CYP4A11: variants seen among roughly 807,000 people sequenced by gnomAD.
The protein encoded by CYP4A11 is cytochrome P450 4A11.
In CYP4A11, 52 loss-of-function variants were observed where a neutral mutation model predicts 57.7. The ratio of observed to expected loss-of-function variants is 0.90; its 90% confidence interval spans 0.72 to 1.14. The LOEUF (loss-of-function observed/expected upper bound fraction) is 1.14, where lower values mean the gene tolerates loss of function less well. CYP4A11 is among the 50% of genes most tolerant of loss of function. The probability of loss-of-function intolerance (pLI) is 0.00; values close to 1 mark genes in which losing one functional copy is unlikely to be tolerated. For synonymous variants in CYP4A11, 228 were observed against 247.1 expected, an observed-to-expected ratio of 0.92 and a Z score of 0.72; for missense variants, 641 against 642.1, an observed-to-expected ratio of 1.00 and a Z score of 0.02.
In CYP4A11 at chr1:46,934,263, A is replaced by T. The variant is rs749000785; in HGVS notation, c.1001T>A (p.Leu334His). 34 of 1,613,122 alleles carry T rather than the reference A, an allele frequency of 2.1e-5. No homozygotes were observed. Among genetic ancestry groups the T allele is most frequent in the Admixed American group, 5.0e-5 (3 of 59,926 alleles). The change falls in exon 8 of 12, where the codon CTC becomes CAC. Residue 334 changes from leucine (L) to histidine (H), a missense_variant. Coordinates refer to ENST00000310638, the MANE Select transcript of CYP4A11 (RefSeq NM_000778.4). ...CTTGGGGTGTGTGGCCAGAGCATAG[A>T]GGATCCAGGAGATCCCACTGGCTGT... ...DTTASGISWI[L>H]YALATHPKHQ...
At chr1:46,939,207 T>C (rs971948484) in intron 1 of CYP4A11, among the ~76,000 whole-genome samples, 10 of 152,194 alleles carry the variant, frequency 6.6e-5, no homozygotes, top group Admixed American at 1.3e-4. Flanking sequence ...TATCTGCCCA[T>C]CTCCTTCTGA....
Position 46,935,549 on chromosome 1 carries a change from G to T in CYP4A11, c.609C>A (p.Ser203Arg), listed in dbSNP as rs2148459534. The T allele has an allele frequency of 6.2e-7, 1 of 1,613,952 alleles. No individual in the cohort carries two copies. Among genetic ancestry groups the T allele is most frequent in the Non-Finnish European group, 8.5e-7 (1 of 1,179,840 alleles). The change falls in exon 5 of 12, where the codon AGC becomes AGA. Residue 203 changes from serine (S) to arginine (R), a missense_variant. By Grantham distance (110) the Ser-to-Arg change is moderately radical. Coordinates refer to ENST00000310638, the MANE Select transcript of CYP4A11 (RefSeq NM_000778.4). ...TLDTIMKCAF[S>R]HQGSIQVDRN... ...TGTCCACCTGGATGCTGCCCTGATG[G>T]CTGAAGGCACACTTCATGATGGTGT...
intron 1 of CYP4A11, chr1:46,940,679 T>A: frequency 1.0e-6 from 1 of 985,432 alleles, no homozygotes; most frequent in Non-Finnish European, 1.2e-6. Context: ...TGGGGAAACT[T>A]ACTTAGCCAG....
In CYP4A11 at chr1:46,941,290, G is replaced by A. The variant is rs1244787235; in HGVS notation, c.144C>T (p.Leu48=). The change falls in exon 1 of 12, where the codon CTC becomes CTT. Residue 48 remains leucine (L), a synonymous_variant. Coordinates refer to ENST00000310638, the MANE Select transcript of CYP4A11 (RefSeq NM_000778.4). ...YLHRQWLLKA[L]QQFPCPPSHW... ...GGGAGGGAGGGCACGGGAACTGCTG[G>A]AGGGCTTTGAGCAGCCACTGCCTGT... The A allele has an allele frequency of 4.3e-6, 7 of 1,614,026 alleles. No individual in the cohort carries two copies. In the Admixed American group the frequency reaches 1.0e-4, roughly 23 times the overall value.
chr1:46,933,803 T>G, intron 9 of CYP4A11, 143 bp downstream of exon 9: 1 of 1,357,426 alleles, frequency 7.4e-7, no homozygotes, highest in Non-Finnish European at 9.8e-7. Flanking sequence ...AAATTCTTTA[T>G]CCCAAGTACA....
In CYP4A11 at chr1:46,935,512, T is replaced by C. The variant is rs1681329307; in HGVS notation, c.635+11A>G. ...GAACAAGGGCCCTGCAGCTGGAGGG[T>C]TGTCACTGACCTGTCCACCTGGATG... On this transcript the variant is annotated intron_variant, in intron 5 of 11. Coordinates refer to ENST00000310638, the MANE Select transcript of CYP4A11 (RefSeq NM_000778.4). 6.2e-7 allele frequency: 1 copy of C among 1,608,892 alleles called. No homozygotes were observed. Among genetic ancestry groups the C allele is most frequent in the South Asian group, 1.1e-5 (1 of 89,812 alleles).
intron 11 of CYP4A11, among the ~76,000 whole-genome samples, chr1:46,930,935 T>C (rs1008123689): frequency 2.7e-4 from 41 of 152,170 alleles, no homozygotes; most frequent in Non-Finnish European, 3.5e-4. Context: ...AGCCTTCTAA[T>C]TCTACTCCAG....
chr1:46,934,972 G>T (rs541392544), intron 6 of CYP4A11, 28 bp downstream of exon 6: 2 of 1,607,788 alleles, frequency 1.2e-6, no homozygotes, highest in Non-Finnish European at 1.7e-6. Context: ...CCTGGGAAAG[G>T]CTGGGAGACA....
chr1:46,935,936 G>C (rs532982873), intron 4 of CYP4A11, among the ~76,000 whole-genome samples: 20 of 152,334 alleles, frequency 1.3e-4, no homozygotes, highest in South Asian at 1.2e-3. Context: ...AGGACATATG[G>C]TTGTGAAAAT....
chr1:46,930,423 T>C, intron 11 of CYP4A11, 113 bp from the exon 12 acceptor site: 4 of 1,227,362 alleles, frequency 3.3e-6, no homozygotes, highest in Non-Finnish European at 3.4e-6. Flanking sequence ...CCCAACCTCA[T>C]GTGTCCAGCC....
intron 11 of CYP4A11, chr1:46,931,388 A>G (rs1473312269): frequency 5.0e-6 from 2 of 400,236 alleles, no homozygotes. Flanking sequence ...GAGTGAAAGG[A>G]TGGTTGATGG....
At chr1:46,936,330 G>A (rs2148460819) in intron 4 of CYP4A11, among the ~76,000 whole-genome samples, 1 of 152,352 alleles carries the variant, frequency 6.6e-6, no homozygotes, top group South Asian at 2.1e-4. Flanking sequence ...CATTGCCCAG[G>A]CCAGCCAGCA....
chr1:46,936,156 C>A (rs549006651), intron 4 of CYP4A11, among the ~76,000 whole-genome samples: 2 of 152,334 alleles, frequency 1.3e-5, no homozygotes, highest in East Asian at 3.9e-4. Flanking sequence ...AAATCAGAGT[C>A]CTGACTGGAG....
At chr1:46,931,402 G>A (rs193147492) in intron 11 of CYP4A11, 4 of 471,924 alleles carry the variant, frequency 8.5e-6, no homozygotes, top group East Asian at 1.5e-4. Context: ...TTGATGGAAC[G>A]ATGTGTGTCT....
intron 3 of CYP4A11, 117 bp from the exon 4 acceptor site, chr1:46,936,908 A>C: frequency 6.9e-7 from 1 of 1,455,492 alleles, no homozygotes; most frequent in Non-Finnish European, 9.1e-7. Flanking sequence ...TGGCTTCTCA[A>C]GGGGAGAACT....
intron 4 of CYP4A11, 133 bp from the exon 5 acceptor site, chr1:46,935,780 C>A (rs577649417): frequency 1.3e-6 from 2 of 1,512,316 alleles, no homozygotes; most frequent in African/African-American, 1.4e-5. Context: ...GGATTCCTCA[C>A]TTTACAGAGC....
At chr1:46,936,950 A>AG (rs1681444160) in intron 3 of CYP4A11, among the ~76,000 whole-genome samples, 159 bp from the exon 4 acceptor site, 1 of 152,190 alleles carries the variant, frequency 6.6e-6, no homozygotes, top group South Asian at 2.1e-4. Context: ...GGGCAAATGC[A>AG]GGAAAAGGAG....
At position 46,937,318 on chromosome 1, in the gene CYP4A11, G is replaced by A. The variant is rs1187398154; in HGVS notation, c.366C>T (p.Phe122=). The change falls in exon 3 of 12, where the codon TTC becomes TTT. Residue 122 remains phenylalanine (F), a synonymous_variant. Coordinates refer to ENST00000310638, the MANE Select transcript of CYP4A11 (RefSeq NM_000778.4). ...SDPKSHGSYR[F]LAPWIGYGLL... ...CACACATACCAATCCATGGAGCCAG[G>A]AATCTGTAGGAACCATGGGATTTCG... The A allele has an allele frequency of 1.7e-5, 28 of 1,613,994 alleles. No homozygotes were observed. Among genetic ancestry groups the A allele is most frequent in the African/African-American group, 2.7e-5 (2 of 74,916 alleles).
intron 6 of CYP4A11, 69 bp downstream of exon 6, chr1:46,934,931 C>T: frequency 6.4e-7 from 1 of 1,572,906 alleles, no homozygotes; most frequent in South Asian, 1.2e-5. Context: ...CCTTCTCTGG[C>T]TGAGGAGTCA....
Sources: gnomAD v4.1 joint callset for allele counts (sites outside exome capture counted in the v4.1 genomes callset) on GRCh38, gnomAD v4.1.1 for gene constraint, MANE v1.5 for transcripts, NCBI Gene and HGNC (gene_info 2026-07-23, HGNC 2026-07-21) for gene names.